The following GTPBP1 variants were observed in gnomAD, a reference collection of about 807,000 sequenced individuals.
GTPBP1 encodes the protein GTP binding protein 1.
A neutral mutation model predicts 62.0 loss-of-function variants in GTPBP1; 23 were observed. That is an observed-to-expected ratio of 0.37 (90% CI 0.27 to 0.53). The LOEUF is 0.53. GTPBP1 is among the 20% of genes least tolerant of loss of function. GTPBP1 has a pLI of 0.89. For missense variants in GTPBP1, 640 were observed against 917.3 expected (o/e 0.70, Z 3.90); for synonymous variants, 344 against 364.4 (o/e 0.94, Z 0.64).
chr22:38,737,190 A>G (rs1379165527), downstream of GTPBP1, among the ~76,000 whole-genome samples: 1 of 151,984 alleles, frequency 6.6e-6, no homozygotes, highest in Non-Finnish European at 1.5e-5. The surrounding 1 kb of genome is among the most constrained non-coding windows in gnomAD (Gnocchi z 4.1). Context: ...CTTGCAGCCT[A>G]GTTACCTCCT....
downstream of GTPBP1, chr22:38,735,161 C>T (rs551068411): frequency 6.8e-6 from 3 of 438,982 alleles, no homozygotes; most frequent in Non-Finnish European, 1.4e-5. Flanking sequence ...CCTCCTCCCC[C>T]TTCCCTATCC....
rs1383044019 is a variant in GTPBP1 at position 38,730,999 on chromosome 22, GTCTCTC to G, written c.*299_*304del. ...TTTATTCTGTTTATTATATGTCTCT[GTCTCTC>G]TCTATTGTGTGTGTGTGTGTGTGTG... On this transcript the variant is annotated 3_prime_UTR_variant, in exon 12 of 12. Coordinates refer to ENST00000216044, the MANE Select transcript of GTPBP1 (RefSeq NM_004286.5). This position sits in a 1 kb window ranked among gnomAD's most constrained non-coding sequence, Gnocchi z 5.6. The G allele has an allele frequency of 2.9e-6, 1 of 350,830 alleles. No individual in the cohort carries two copies. The highest frequency in any genetic ancestry group is 5.0e-6 in the Non-Finnish European group (1 of 200,956). The allele number at this position is 350,830 out of a possible 1,614,324, so 21.7% of individuals were successfully genotyped here.
At position 38,709,008 on chromosome 22, in the gene GTPBP1, C is replaced by T. The variant is rs533914508; in HGVS notation, c.304+52C>T. 74 of 1,120,202 alleles carry T rather than the reference C, an allele frequency of 6.6e-5. 1 individual carries two copies. The highest frequency in any genetic ancestry group is 4.5e-4 in the South Asian group (36 of 80,286). The allele number at this position is 1,120,202 out of a possible 1,614,324, so 69.4% of individuals were successfully genotyped here. A position where few individuals can be genotyped will look rare whatever the true frequency, so the allele number is the denominator to read the frequency against. ...TTTTTAAAAATTATTGGGCCGGGTG[C>T]GGTGGCCCTGCCGCCTGTAATCCCA... On this transcript the variant is annotated intron_variant, in intron 2 of 11. Transcript: ENST00000216044.
downstream of GTPBP1, chr22:38,739,669 C>T (rs1363847339): frequency 6.3e-7 from 1 of 1,587,306 alleles, no homozygotes; most frequent in Non-Finnish European, 8.6e-7. The surrounding 1 kb of genome is among the most constrained non-coding windows in gnomAD (Gnocchi z 6.7). Flanking sequence ...GTCCAGGGCT[C>T]CCAGGGAGGA....
At chr22:38,710,392 AAAG>A (rs1489923469) in intron 2 of GTPBP1, among the ~76,000 whole-genome samples, 12 of 152,232 alleles carry the variant, frequency 7.9e-5, no homozygotes. Flanking sequence ...AGAGTGACAT[AAAG>A]AAGAAGGATT....
chr22:38,728,198 C>G (rs749916874), intron 10 of GTPBP1, 37 bp downstream of exon 10: 1 of 1,423,214 alleles, frequency 7.0e-7, no homozygotes, highest in Non-Finnish European at 9.9e-7. Flanking sequence ...CTCCAGGAAG[C>G]ACCAGGGGCC....
chr22:38,740,618 A>G (rs2092848508), downstream of GTPBP1: 3 of 609,564 alleles, frequency 4.9e-6, no homozygotes, highest in East Asian at 5.9e-5. This position sits in a 1 kb window ranked among gnomAD's most constrained non-coding sequence, Gnocchi z 4.8. Context: ...GCCTGTCCCA[A>G]GGAGCTAATT....
At chr22:38,723,521 C>G (rs367942180) in intron 5 of GTPBP1, 25 of 656,906 alleles carry the variant, frequency 3.8e-5, no homozygotes, top group Middle Eastern at 4.1e-4. Flanking sequence ...TGCACGCGGG[C>G]GAAACTTCCT....
chr22:38,711,727 C>G (rs1916745989), intron 2 of GTPBP1, among the ~76,000 whole-genome samples: 1 of 151,870 alleles, frequency 6.6e-6, no homozygotes, highest in Admixed American at 6.6e-5. Context: ...GCTGTAATCC[C>G]AACTACTCAG....
Position 38,708,954 on chromosome 22 carries a change from C to T in GTPBP1, c.302C>T (p.Ser101Leu). 1 of 1,532,664 alleles carries T rather than the reference C, an allele frequency of 6.5e-7. No homozygotes were observed. Among genetic ancestry groups the T allele is most frequent in the Non-Finnish European group, 9.0e-7 (1 of 1,105,500 alleles). 94.9% of individuals were successfully genotyped at this position (1,532,664 alleles called of 1,614,324 possible). A position where few individuals can be genotyped will look rare whatever the true frequency, so the allele number is the denominator to read the frequency against. The change falls in exon 2 of 12, where the codon TCA (serine) becomes TTA (leucine). Residue 101 changes from serine (S) to leucine (L), a missense_variant and splice_region_variant. By Grantham distance (145) the Ser-to-Leu change is moderately radical. Around this residue, in one of 4 missense-constraint regions of GTPBP1, gnomAD observed 215 missense variants for 235.1 expected, o/e 0.91. Transcript: ENST00000216044. ...ACCATATATGTCATTGGGCAGGGAT[C>T]AGGTGAGCATAGTTTTCCTTTCACT... is the stretch of plus-strand genomic sequence containing the variant. ...GETIYVIGQG[S>L]DGTEYGLSEA...
Position 38,727,492 on chromosome 22 carries a change from T to A in GTPBP1, c.1537+144T>A. The A allele has an allele frequency of 1.3e-6, 1 of 769,678 alleles. No homozygotes were observed. Among genetic ancestry groups the A allele is most frequent in the Non-Finnish European group, 2.0e-6 (1 of 498,450 alleles). The allele number at this position is 769,678 out of a possible 1,614,324, so 47.7% of individuals were successfully genotyped here. On this transcript the variant is annotated intron_variant, in intron 9 of 11. Transcript: ENST00000216044. The surrounding 1 kb of genome is among the most constrained non-coding windows in gnomAD (Gnocchi z 6.5). ...TTTAGTGATGCCGTTCCTTCTGTTCTACCCATGAGCCGCAGTGTTGATTCC... is the reference window on the plus strand; with the variant it reads ...TTTAGTGATGCCGTTCCTTCTGTTCAACCCATGAGCCGCAGTGTTGATTCC...
chr22:38,708,855 T>G lies in GTPBP1; in HGVS notation c.203T>G (p.Val68Gly), dbSNP rs1365767428. The G allele has an allele frequency of 6.3e-7, 1 of 1,599,892 alleles. No individual in the cohort carries two copies. The highest frequency in any genetic ancestry group is 8.6e-7 in the Non-Finnish European group (1 of 1,167,048). Residue 68 changes from valine to glycine, a missense_variant, in exon 2 of 12, where the codon GTG becomes GGG. Physicochemically the swap from Val to Gly is moderately radical, Grantham distance 109. Transcript: ENST00000216044. ...TGGTTTCTTTTCTAGCTGGTTCTAG[T>G]GAGCCCTACATCAGAGCAGTATGAC... ...ELDLTSKLVLVSPTSEQYDSL... is the reference protein window; with the variant it reads ...ELDLTSKLVLGSPTSEQYDSL...
intron 2 of GTPBP1, among the ~76,000 whole-genome samples, chr22:38,710,051 C>T (rs868226570): frequency 1.2e-4 from 18 of 152,318 alleles, no homozygotes; most frequent in African/African-American, 4.3e-4. Flanking sequence ...GGGTTGTTAA[C>T]GATTATGAAT....
chr22:38,741,779 G>T (rs1342385522), downstream of GTPBP1, among the ~76,000 whole-genome samples: 1 of 152,132 alleles, frequency 6.6e-6, no homozygotes, highest in Admixed American at 6.5e-5. Flanking sequence ...CTTTCTACTC[G>T]CACAGCTCAC....
intron 2 of GTPBP1, among the ~76,000 whole-genome samples, chr22:38,712,505 C>T (rs943657050): frequency 2.6e-5 from 4 of 152,084 alleles, no homozygotes; most frequent in African/African-American, 9.7e-5. Context: ...GGAGTCTTTG[C>T]AGCCTGTAGA....
chr22:38,725,889 C>A lies in GTPBP1; in HGVS notation c.1074-117C>A, dbSNP rs570446164. On this transcript the variant is annotated intron_variant, in intron 6 of 11. Coordinates refer to ENST00000216044, the MANE Select transcript of GTPBP1 (RefSeq NM_004286.5). ...GAGGCAGGTGAGGGAGAGGTGGAGT[C>A]ATGAATAGTGGCATCTGCTCCTCGA... 17 of 920,884 alleles carry A rather than the reference C, an allele frequency of 1.8e-5. No individual in the cohort carries two copies. The South Asian group carries it at 2.4e-4, about 13-fold the overall frequency. The allele number at this position is 920,884 out of a possible 1,614,324, so 57.0% of individuals were successfully genotyped here. A position where few individuals can be genotyped will look rare whatever the true frequency, so the allele number is the denominator to read the frequency against.
chr22:38,738,146 T>G (rs2092823070), downstream of GTPBP1: 1 of 1,609,576 alleles, frequency 6.2e-7, no homozygotes, highest in Non-Finnish European at 8.5e-7. The surrounding 1 kb of genome is among the most constrained non-coding windows in gnomAD (Gnocchi z 6.6). Context: ...TCTGCGCCAC[T>G]TCTGCTAGCA....
At position 38,716,547 on chromosome 22, in the gene GTPBP1, G is replaced by A. The variant is rs1031276878; in HGVS notation, c.486-105G>A. On this transcript the variant is annotated intron_variant, in intron 3 of 11. Transcript: ENST00000216044. This position sits in a 1 kb window ranked among gnomAD's most constrained non-coding sequence, Gnocchi z 5.2. Reference sequence around the variant, plus strand: ...GAGGAGCTGTGAGCCGGAGGGGATCGGGGCAAGCCTGGACTTGCGGATCCA... The same window carrying A: ...GAGGAGCTGTGAGCCGGAGGGGATCAGGGCAAGCCTGGACTTGCGGATCCA... The A allele has an allele frequency of 3.6e-5, 29 of 812,700 alleles. No individual in the cohort carries two copies. The highest frequency in any genetic ancestry group is 4.6e-5 in the Admixed American group (2 of 43,146). 50.3% of individuals were successfully genotyped at this position (812,700 alleles called of 1,614,324 possible). A position where few individuals can be genotyped will look rare whatever the true frequency, so the allele number is the denominator to read the frequency against.
chr22:38,738,413 C>T, downstream of GTPBP1: 3 of 1,118,022 alleles, frequency 2.7e-6, no homozygotes, highest in Non-Finnish European at 3.9e-6. The surrounding 1 kb of genome is among the most constrained non-coding windows in gnomAD (Gnocchi z 6.6). Context: ...CAGTTTCTGC[C>T]TCCAAAGCCT....
Sources: gnomAD v4.1 joint callset for allele counts (sites outside exome capture counted in the v4.1 genomes callset) on GRCh38, gnomAD v4.1.1 for gene constraint, gnomAD v4.1.1 regional missense constraint, Gnocchi (gnomAD v3.1) non-coding constraint, MANE v1.5 for transcripts, NCBI Gene and HGNC (gene_info 2026-07-23, HGNC 2026-07-21) for gene names.